Variants in DNAH7 observed in about 807,000 individuals in gnomAD.
DNAH7 encodes the protein dynein axonemal heavy chain 7, also known as axonemal beta dynein heavy chain 7.
In DNAH7, 397 loss-of-function variants were observed where a neutral mutation model predicts 444.6. The ratio of observed to expected loss-of-function variants is 0.89; its 90% CI spans 0.82 to 0.97. DNAH7 has a LOEUF of 0.97. Ranked by LOEUF, DNAH7 falls within the 50% of genes least tolerant of loss-of-function variation. The pLI, the probability that DNAH7 is intolerant of heterozygous loss-of-function variation, is 0.00. For synonymous variants in DNAH7, 1,636 were observed against 1,624.4 expected, an observed-to-expected ratio of 1.01 and a Z score of -0.17; for missense variants, 4,902 against 4,800.8, an observed-to-expected ratio of 1.02 and a Z score of -0.62.
chr2:195,875,598 A>AT (rs995963342), intron 38 of DNAH7, 77 bp downstream of exon 38: 53 of 1,386,020 alleles, frequency 3.8e-5, no homozygotes, highest in African/African-American at 1.2e-4. Context: ...TCAAAAGAGG[A>AT]TTTTTTTCCA....
intron 53 of DNAH7, 143 bp downstream of exon 53, chr2:195,808,539 G>A (rs778309119): frequency 1.2e-6 from 1 of 856,028 alleles, no homozygotes; most frequent in Non-Finnish European, 1.8e-6. Flanking sequence ...GACTTAGAAG[G>A]GGGGATAACA....
chr2:196,068,623 G>A, intron 1 of DNAH7, 74 bp downstream of exon 1: 1 of 1,542,424 alleles, frequency 6.5e-7, no homozygotes, highest in Non-Finnish European at 8.8e-7. Context: ...TAGGCAGGAG[G>A]GGCTTCCACC....
At chr2:195,939,958 T>A (rs571431693) in intron 19 of DNAH7, among the ~76,000 whole-genome samples, 1 of 152,306 alleles carries the variant, frequency 6.6e-6, no homozygotes, top group East Asian at 1.9e-4. Flanking sequence ...CAAAGTAATT[T>A]ATAGATTCAA....
At chr2:195,807,904 C>T (rs1247708368) in intron 53 of DNAH7, among the ~76,000 whole-genome samples, 4 of 152,144 alleles carry the variant, frequency 2.6e-5, no homozygotes, top group Non-Finnish European at 5.9e-5. Flanking sequence ...TATTTGAATT[C>T]GTGTGAAGAC....
intron 16 of DNAH7, among the ~76,000 whole-genome samples, chr2:195,970,837 CT>C (rs1273464595): frequency 6.6e-6 from 1 of 152,092 alleles, no homozygotes; most frequent in African/African-American, 2.4e-5. Context: ...GATTTATGTC[CT>C]CTTTTCTCTA....
intron 27 of DNAH7, chr2:195,905,549 G>A (rs560787567): frequency 6.6e-6 from 1 of 152,236 alleles, no homozygotes; most frequent in South Asian, 2.1e-4. Context: ...TGTGAAGTGT[G>A]GAAGTAATAT....
chr2:195,955,372 C>T (rs1690574282), intron 19 of DNAH7, among the ~76,000 whole-genome samples: 1 of 152,014 alleles, frequency 6.6e-6, no homozygotes, highest in Non-Finnish European at 1.5e-5. Flanking sequence ...CTCTTCTGTT[C>T]CATTGGTCTA....
intron 3 of DNAH7, 137 bp downstream of exon 3, chr2:196,051,050 A>G (rs1697433889): frequency 1.4e-6 from 1 of 736,682 alleles, no homozygotes; most frequent in East Asian, 2.5e-5. Context: ...TTGTCCTAAT[A>G]TGCACACCTC....
intron 51 of DNAH7, among the ~76,000 whole-genome samples, chr2:195,816,008 A>T (rs1478087308): frequency 6.6e-6 from 1 of 152,200 alleles, no homozygotes; most frequent in Non-Finnish European, 1.5e-5. Flanking sequence ...AAACAAAACA[A>T]AACAAAAACA....
At chr2:196,010,410 G>A (rs553346499) in intron 10 of DNAH7, among the ~76,000 whole-genome samples, 5 of 152,244 alleles carry the variant, frequency 3.3e-5, no homozygotes, top group Non-Finnish European at 7.4e-5. Context: ...GCCTCCCAAA[G>A]TGCTGGGAGT....
intron 46 of DNAH7, among the ~76,000 whole-genome samples, chr2:195,852,016 T>A (rs961626040): frequency 6.6e-6 from 1 of 152,096 alleles, no homozygotes; most frequent in Non-Finnish European, 1.5e-5. Flanking sequence ...CCCGGCACTT[T>A]GGGAGGGCAA....
At chr2:196,067,274 G>A (rs914359315) in intron 1 of DNAH7, among the ~76,000 whole-genome samples, 1 of 152,162 alleles carries the variant, frequency 6.6e-6, no homozygotes, top group Non-Finnish European at 1.5e-5. Context: ...CTCTAACAAC[G>A]TAGGATATGG....
At chr2:195,867,654 T>C (rs915164413) in intron 40 of DNAH7, among the ~76,000 whole-genome samples, 2 of 152,200 alleles carry the variant, frequency 1.3e-5, no homozygotes, top group African/African-American at 4.8e-5. Context: ...ACTTGCTTAT[T>C]CTGGATATAT....
At chr2:195,751,050 C>T (rs570205169) in intron 63 of DNAH7, among the ~76,000 whole-genome samples, 10 of 152,114 alleles carry the variant, frequency 6.6e-5, no homozygotes, top group South Asian at 4.1e-4. Flanking sequence ...ATTAAGGAAA[C>T]AATAAACTAA....
At chr2:195,787,958 CA>C (rs1695708301) in intron 57 of DNAH7, among the ~76,000 whole-genome samples, 5 of 152,142 alleles carry the variant, frequency 3.3e-5, no homozygotes, top group African/African-American at 1.2e-4. Context: ...GAGGAAACCC[CA>C]AGGGTAAGAG....
At position 195,775,975 on chromosome 2, in the gene DNAH7, G is replaced by A. The variant is rs1444982055; in HGVS notation, c.11073C>T (p.Ser3691=). 8 of 1,613,872 alleles carry A rather than the reference G, an allele frequency of 5.0e-6. No homozygotes were observed. In the East Asian group the frequency reaches 6.7e-5, roughly 13 times the overall value. ...YFVPPSGDHK[S]YIEYTKTLPL... ...GCAGAGTCTTTGTGTATTCGATGTA[G>A]CTTTTGTGCTGCAGAGATGAATAAC... Residue 3691 remains serine (S), a synonymous_variant, in exon 60 of 65, where the codon AGC becomes AGT. Coordinates refer to ENST00000312428, the MANE Select transcript of DNAH7 (RefSeq NM_018897.3).
intron 9 of DNAH7, among the ~76,000 whole-genome samples, chr2:196,013,190 A>G (rs1465899835): frequency 1.3e-5 from 2 of 152,168 alleles, no homozygotes; most frequent in Non-Finnish European, 2.9e-5. Flanking sequence ...TTTGCTTTTA[A>G]ACTGTAATAA....
At chr2:195,916,927 G>A (rs1687718208) in intron 24 of DNAH7, among the ~76,000 whole-genome samples, 1 of 151,002 alleles carries the variant, frequency 6.6e-6, no homozygotes. Context: ...GTGAAACCCC[G>A]TCTCTACTAA....
At chr2:196,054,598 C>T (rs1697686721) in intron 2 of DNAH7, among the ~76,000 whole-genome samples, 1 of 152,124 alleles carries the variant, frequency 6.6e-6, no homozygotes, top group South Asian at 2.1e-4. Context: ...CTCACCCCAC[C>T]CCACCTCCAC....
Sources: gnomAD v4.1 joint callset for allele counts (sites outside exome capture counted in the v4.1 genomes callset) on GRCh38, gnomAD v4.1.1 for gene constraint, MANE v1.5 for transcripts, NCBI Gene and HGNC (gene_info 2026-07-23, HGNC 2026-07-21) for gene names.